The following LRP2 variants were observed in gnomAD, a reference collection of about 807,000 sequenced individuals.
The protein encoded by LRP2 is low-density lipoprotein receptor-related protein 2.
LRP2 carries 172 observed loss-of-function variants against 531.0 expected under a neutral mutation model. That is an observed-to-expected ratio of 0.32 (90% CI 0.29 to 0.37). The LOEUF is 0.37. LRP2 is among the 10% of genes least tolerant of loss of function. The pLI, the probability that LRP2 is intolerant of heterozygous loss-of-function variation, is 1.00. For synonymous variants in LRP2, 1,992 were observed against 2,027.6 expected (o/e 0.98, Z 0.47); for missense variants, 5,167 against 5,868.3 (o/e 0.88, Z 3.90).
intron 28 of LRP2, 133 bp from the exon 29 acceptor site, chr2:169,236,201 A>G: frequency 1.3e-6 from 1 of 757,184 alleles, no homozygotes; most frequent in Non-Finnish European, 2.3e-6. Context: ...ATATATTCAC[A>G]GAGTTTATTG....
At chr2:169,324,308 CAA>C (rs990786443) in intron 1 of LRP2, among the ~76,000 whole-genome samples, 1 of 146,530 alleles carries the variant, frequency 6.8e-6, no homozygotes, top group African/African-American at 2.5e-5. Context: ...TCCCTTTCAC[CAA>C]AAAAAAAAGT....
intron 65 of LRP2, among the ~76,000 whole-genome samples, 190 bp downstream of exon 65, chr2:169,156,084 G>A (rs1219408796): frequency 6.6e-6 from 1 of 152,016 alleles, no homozygotes; most frequent in African/African-American, 2.4e-5. Flanking sequence ...TGTAGCTATT[G>A]TTTTAAGCTG....
At chr2:169,225,675 T>TG (rs1689177967) in intron 32 of LRP2, among the ~76,000 whole-genome samples, 1 of 152,232 alleles carries the variant, frequency 6.6e-6, no homozygotes, top group African/African-American at 2.4e-5. Context: ...TCTCCAGTAC[T>TG]GGCTACAGAG....
intron 44 of LRP2, among the ~76,000 whole-genome samples, chr2:169,199,403 G>A (rs1319043131): frequency 6.6e-6 from 1 of 152,128 alleles, no homozygotes; most frequent in Non-Finnish European, 1.5e-5. Context: ...TAGCAAGAGA[G>A]AGATGCTTAT....
chr2:169,237,081 T>C (rs1376667449), intron 28 of LRP2, 22 bp downstream of exon 28: 3 of 1,602,628 alleles, frequency 1.9e-6, no homozygotes, highest in Non-Finnish European at 2.6e-6. Context: ...CAAGGCAACA[T>C]AATTTTAAAA....
intron 46 of LRP2, among the ~76,000 whole-genome samples, chr2:169,195,558 CTTA>C (rs1239638644): frequency 6.6e-6 from 1 of 151,978 alleles, no homozygotes; most frequent in African/African-American, 2.4e-5. Context: ...AGATTATGTG[CTTA>C]TTTTTATTTA....
intron 50 of LRP2, among the ~76,000 whole-genome samples, chr2:169,185,154 G>A (rs367646517): frequency 5.3e-5 from 8 of 152,128 alleles, no homozygotes; most frequent in South Asian, 4.1e-4. Context: ...TTGTCATCAC[G>A]CTGGGCATGT....
chr2:169,213,672 C>T lies in LRP2; in HGVS notation c.6025G>A (p.Val2009Ile), dbSNP rs1688676732. Reference sequence around the variant, plus strand: ...AAATACTTACTGCGTCTGTGATAAACTTGAAGACCCCTCAGATTTGGAACA... The same window carrying T: ...AAATACTTACTGCGTCTGTGATAAATTTGAAGACCCCTCAGATTTGGAACA... The part of the protein sequence containing the change: ...DNVPNLRGLQ[V>I]YHRRNAAESS... Residue 2009 changes from valine (V) to isoleucine (I), a missense_variant, in exon 36 of 79, where the codon GTT becomes ATT. Val to Ile is a conservative substitution (Grantham distance 29). Transcript: ENST00000649046. The T allele has an allele frequency of 1.2e-6, 2 of 1,612,890 alleles. No homozygotes were observed. The highest frequency in any genetic ancestry group is 1.7e-6 in the Non-Finnish European group (2 of 1,179,720).
At chr2:169,165,296 G>T (rs1686743148) in intron 62 of LRP2, among the ~76,000 whole-genome samples, 1 of 152,178 alleles carries the variant, frequency 6.6e-6, no homozygotes, top group Non-Finnish European at 1.5e-5. Context: ...CAGAAAATTG[G>T]TCAACTTTCC....
intron 3 of LRP2, among the ~76,000 whole-genome samples, chr2:169,312,820 C>T (rs1254023981): frequency 9.2e-5 from 14 of 152,148 alleles, no homozygotes; most frequent in Admixed American, 7.2e-4. Flanking sequence ...TTCCATTCTC[C>T]CCGTCACTTT....
intron 44 of LRP2, among the ~76,000 whole-genome samples, chr2:169,199,716 T>C (rs1253884905): frequency 6.6e-6 from 1 of 152,182 alleles, no homozygotes; most frequent in Non-Finnish European, 1.5e-5. Flanking sequence ...TGACTGCATA[T>C]CTCTAGTGGG....
In LRP2 at chr2:169,212,199, C is replaced by T. The variant is rs751316544; in HGVS notation, c.6049G>A (p.Glu2017Lys). The change falls in exon 37 of 79, where the codon GAA (glutamate) becomes AAA (lysine). Residue 2017 changes from glutamate to lysine, a missense_variant. This residue lies in a region of LRP2 where 2,811 missense variants were observed against 3,058.0 expected (regional missense o/e 0.92). Transcript: ENST00000649046. Reference protein sequence around the residue: ...LQVYHRRNAAESSNGCSNNMN... With the variant: ...LQVYHRRNAAKSSNGCSNNMN... ...TTGTTGCTACAGCCATTTGAGGATT[C>T]GGCGGCATCTAAATGAAAACAAAAT... is the stretch of plus-strand genomic sequence containing the variant. 21 of 1,613,854 alleles carry T rather than the reference C, an allele frequency of 1.3e-5. No individual in the cohort carries two copies. Among genetic ancestry groups the T allele is most frequent in the South Asian group, 1.2e-4 (11 of 91,074 alleles).
In LRP2 at chr2:169,248,683, G is replaced by A. The variant is rs569436694; in HGVS notation, c.2771-1168C>T. Among the ~76,000 whole-genome samples, 8 of 124,058 alleles carry A rather than the reference G, an allele frequency of 6.4e-5. 1 individual carries two copies. Among genetic ancestry groups the A allele is most frequent in the African/African-American group, 1.7e-4 (5 of 29,142 alleles). 81.4% of individuals were successfully genotyped at this position (124,058 alleles called of 152,430 possible). On this transcript the variant is annotated intron_variant, in intron 19 of 78. Transcript: ENST00000649046. ...CCGGTCTACAGCTCCCAGCGTGAGC[G>A]ACGCAGAAGACGGTGATTTCTGCAT...
In LRP2 at chr2:169,204,177, A is replaced by T; in HGVS notation, c.7810T>A (p.Tyr2604Asn). Reference protein sequence around the residue: ...HAFGLTLYGQYIYWTDLYTQR... With the variant: ...HAFGLTLYGQNIYWTDLYTQR... Reference sequence around the variant, plus strand: ...GTGTACAAGTCAGTCCAGTAAATATACTGGCCATAGAGAGTCAAGCCAAAA... The same window carrying T: ...GTGTACAAGTCAGTCCAGTAAATATTCTGGCCATAGAGAGTCAAGCCAAAA... Residue 2604 changes from tyrosine (Y) to asparagine (N), a missense_variant, in exon 42 of 79, where the codon TAT becomes AAT. Tyr to Asn is a moderately radical substitution (Grantham distance 143). Transcript: ENST00000649046. 6.2e-7 allele frequency: 1 copy of T among 1,614,146 alleles called. No individual in the cohort carries two copies. The highest frequency in any genetic ancestry group is 8.5e-7 in the Non-Finnish European group (1 of 1,180,010).
At chr2:169,191,738 G>C (rs1163782730) in intron 48 of LRP2, 94 bp downstream of exon 48, 1 of 1,004,756 alleles carries the variant, frequency 1.0e-6, no homozygotes, top group Non-Finnish European at 1.6e-6. Flanking sequence ...CATGGGCCCT[G>C]GGCACTGTGG....
chr2:169,294,305 C>G (rs1343588796), intron 5 of LRP2, 44 bp from the exon 6 acceptor site: 1 of 1,151,220 alleles, frequency 8.7e-7, no homozygotes, highest in African/African-American at 1.5e-5. Flanking sequence ...GAGAAGTTAA[C>G]TCCATTGTAG....
At chr2:169,326,815 G>T (rs1407215446) in intron 1 of LRP2, among the ~76,000 whole-genome samples, 3 of 150,356 alleles carry the variant, frequency 2.0e-5, no homozygotes, top group Admixed American at 6.6e-5. Context: ...AGTGAGGAGC[G>T]TCTCTGCCCG....
At position 169,270,987 on chromosome 2, in the gene LRP2, A is replaced by G. The variant is rs1064797271; in HGVS notation, c.2237T>C (p.Ile746Thr). The G allele has an allele frequency of 1.2e-6, 2 of 1,613,472 alleles. No homozygotes were observed. The highest frequency in any genetic ancestry group is 1.3e-5 in the African/African-American group (1 of 74,978). The change falls in exon 16 of 79, where the codon ATT becomes ACT. Residue 746 changes from isoleucine (I) to threonine (T), a missense_variant. Coordinates refer to ENST00000649046, the MANE Select transcript of LRP2 (RefSeq NM_004525.3). ...AGTGCTGTCCTGGGCGTCAAAATCA[A>G]TCCCGACAAAGAAAGAAGGATTCCC... ...VSGNPSFFVG[I>T]DFDAQDSTIF... is the part of the protein sequence containing the mutation.
At chr2:169,184,636 G>A (rs751944570) in intron 50 of LRP2, among the ~76,000 whole-genome samples, 1 of 152,146 alleles carries the variant, frequency 6.6e-6, no homozygotes, top group Non-Finnish European at 1.5e-5. Context: ...AATATCACTG[G>A]CCTGCCTTAA....
Sources: allele counts gnomAD v4.1 joint callset (sites outside exome capture counted in the v4.1 genomes callset), GRCh38; gene constraint gnomAD v4.1.1; regional missense constraint gnomAD v4.1.1; transcripts MANE v1.5; gene names NCBI Gene and HGNC (gene_info 2026-07-23, HGNC 2026-07-21).